SAMD5: variants seen among roughly 807,000 people sequenced by gnomAD.
SAMD5 encodes the protein sterile alpha motif domain containing 5.
Under a neutral mutation model 11.3 loss-of-function variants are expected in SAMD5, and 13 were observed. The observed-to-expected ratio is 1.15, with a 90% CI of 0.75 to 1.83. The LOEUF is 1.83. Among genes scored for constraint, SAMD5 ranks in the 40% most tolerant of loss-of-function variants. The probability of loss-of-function intolerance (pLI) is 0.00; values close to 1 mark genes in which losing one functional copy is unlikely to be tolerated. For synonymous variants in SAMD5, 129 were observed against 111.3 expected (o/e 1.16, Z -1.00); for missense variants, 255 against 239.1 (o/e 1.07, Z -0.44).
the SAMD5 span, among the ~76,000 whole-genome samples, chr6:147,800,432 A>T: frequency 6.6e-6 from 1 of 152,136 alleles, no homozygotes; most frequent in Non-Finnish European, 1.5e-5. Flanking sequence ...CCGTTCTCAG[A>T]TCTCCAGCTG....
intron 1 of SAMD5, among the ~76,000 whole-genome samples, chr6:147,643,163 G>A (rs1306279055): frequency 1.3e-5 from 2 of 152,156 alleles, no homozygotes; most frequent in Admixed American, 6.5e-5. Context: ...GAAATTATTG[G>A]TGAATCAGAA....
At chr6:147,850,157 A>C in the SAMD5 span, among the ~76,000 whole-genome samples, 1 of 152,212 alleles carries the variant, frequency 6.6e-6, no homozygotes, top group African/African-American at 2.4e-5. Flanking sequence ...ATCTAGAGGA[A>C]ACATATGTAT....
the SAMD5 span, among the ~76,000 whole-genome samples, chr6:147,943,137 C>T: frequency 1.3e-5 from 2 of 152,160 alleles, no homozygotes; most frequent in African/African-American, 4.8e-5. Context: ...ATTGCTTCAT[C>T]TTGCCTGAGA....
chr6:147,589,426 G>A (rs1233793948), intron 1 of SAMD5, among the ~76,000 whole-genome samples: 1 of 152,100 alleles, frequency 6.6e-6, no homozygotes, highest in Non-Finnish European at 1.5e-5. Context: ...ATGTGCCACA[G>A]AGACAAATCT....
At chr6:147,713,011 G>A (rs1206218861) in intron 1 of SAMD5, among the ~76,000 whole-genome samples, 1 of 152,140 alleles carries the variant, frequency 6.6e-6, no homozygotes, top group Non-Finnish European at 1.5e-5. Flanking sequence ...TAAATTGACA[G>A]CAAAAATGAA....
At chr6:147,720,298 G>A (rs1791529019) in intron 1 of SAMD5, among the ~76,000 whole-genome samples, 1 of 151,900 alleles carries the variant, frequency 6.6e-6, no homozygotes, top group African/African-American at 2.4e-5. Context: ...CGTCTCTACT[G>A]AAAAAATACA....
the SAMD5 span, among the ~76,000 whole-genome samples, chr6:147,813,310 G>T: frequency 2.6e-5 from 4 of 152,104 alleles, no homozygotes; most frequent in African/African-American, 4.8e-5. Context: ...CCTTTGTTCT[G>T]CTCAAACTCA....
chr6:147,889,344 C>T, the SAMD5 span, among the ~76,000 whole-genome samples: 1 of 152,156 alleles, frequency 6.6e-6, no homozygotes, highest in Non-Finnish European at 1.5e-5. Flanking sequence ...TTAATATCCT[C>T]CCATGCCTCT....
At chr6:147,575,412 C>G (rs535874563) in intron 1 of SAMD5, among the ~76,000 whole-genome samples, 1 of 152,372 alleles carries the variant, frequency 6.6e-6, no homozygotes, top group East Asian at 1.9e-4. Flanking sequence ...TTTCTTGGCT[C>G]AAATGTGGGT....
chr6:147,623,938 C>G (rs1172081533), intron 1 of SAMD5, among the ~76,000 whole-genome samples: 1 of 152,126 alleles, frequency 6.6e-6, no homozygotes, highest in Non-Finnish European at 1.5e-5. Flanking sequence ...GGTGCCATCT[C>G]TGCTCACTGC....
At chr6:147,952,683 T>TTCTTC in the SAMD5 span, among the ~76,000 whole-genome samples, 1 of 152,234 alleles carries the variant, frequency 6.6e-6, no homozygotes, top group African/African-American at 2.4e-5. Context: ...CGAATTTTTT[T>TTCTTC]TGTACTTTTT....
chr6:147,847,861 A>T, the SAMD5 span, among the ~76,000 whole-genome samples: 1 of 152,144 alleles, frequency 6.6e-6, no homozygotes, highest in Non-Finnish European at 1.5e-5. Flanking sequence ...TCAAAAAAAC[A>T]AAAAACAAAA....
intron 1 of SAMD5, among the ~76,000 whole-genome samples, chr6:147,552,734 G>A (rs544571243): frequency 4.0e-4 from 61 of 152,270 alleles, no homozygotes; most frequent in African/African-American, 1.2e-3. Flanking sequence ...GCGGGGTTGC[G>A]GAGGCGCAGT....
intron 1 of SAMD5, among the ~76,000 whole-genome samples, chr6:147,689,763 G>T (rs1244511658): frequency 2.0e-5 from 3 of 152,170 alleles, no homozygotes; most frequent in Non-Finnish European, 2.9e-5. Context: ...AAACAGATAT[G>T]GTGAATGATT....
chr6:147,527,810 T>TC (rs1363238963), intron 1 of SAMD5, among the ~76,000 whole-genome samples: 1 of 152,156 alleles, frequency 6.6e-6, no homozygotes, highest in African/African-American at 2.4e-5. Context: ...AAAGGTTTTT[T>TC]TTATAAAGAG....
Position 147,544,976 on chromosome 6 carries a change from T to A in SAMD5, c.460-19418T>A, listed in dbSNP as rs1050514910. Among the ~76,000 whole-genome samples, 3 of 152,186 alleles carry A rather than the reference T, an allele frequency of 2.0e-5. No individual in the cohort carries two copies. In the East Asian group the frequency reaches 5.8e-4, roughly 29 times the overall value. On this transcript the variant is annotated intron_variant, in intron 1 of 1. Coordinates refer to ENST00000367474, the MANE Select transcript of SAMD5 (RefSeq NM_001030060.3). ...TTCAATTAGAGTTTGTAGTGTGTCA[T>A]AATTCCAGTTTTATATTCCATGCAG...
the SAMD5 span, among the ~76,000 whole-genome samples, chr6:147,765,331 A>G: frequency 6.6e-6 from 1 of 152,214 alleles, no homozygotes; most frequent in Admixed American, 6.5e-5. Context: ...TTCTTGTGTT[A>G]GAAAGAATTC....
At chr6:147,813,450 C>T in the SAMD5 span, among the ~76,000 whole-genome samples, 1 of 152,130 alleles carries the variant, frequency 6.6e-6, no homozygotes, top group African/African-American at 2.4e-5. Context: ...GTTTTCATTC[C>T]ATCTTAAAAT....
the SAMD5 span, among the ~76,000 whole-genome samples, chr6:147,875,339 G>C: frequency 2.6e-5 from 4 of 152,258 alleles, no homozygotes; most frequent in African/African-American, 9.6e-5. Flanking sequence ...GCACCACTTA[G>C]AGCAACGACC....
Sources: allele counts gnomAD v4.1 joint callset (sites outside exome capture counted in the v4.1 genomes callset), GRCh38; gene constraint gnomAD v4.1.1; transcripts MANE v1.5; gene names NCBI Gene and HGNC (gene_info 2026-07-23, HGNC 2026-07-21).